The following KCNIP1 variants were observed in gnomAD, a reference collection of about 807,000 sequenced individuals.
KCNIP1 encodes the protein potassium voltage-gated channel interacting protein 1.
In KCNIP1, 18 loss-of-function variants were observed where a neutral mutation model predicts 33.0. The ratio of observed to expected loss-of-function variants is 0.55; its 90% CI spans 0.38 to 0.81. KCNIP1 has a LOEUF of 0.81. KCNIP1 is among the 30% of genes least tolerant of loss of function. KCNIP1 has a pLI of 0.00. For synonymous variants in KCNIP1, 93 were observed against 98.3 expected, an observed-to-expected ratio of 0.95 and a Z score of 0.32; for missense variants, 238 against 271.6, an observed-to-expected ratio of 0.88 and a Z score of 0.87.
intron 1 of KCNIP1, among the ~76,000 whole-genome samples, chr5:170,658,312 A>C (rs1024156769): frequency 6.6e-6 from 1 of 152,332 alleles, no homozygotes; most frequent in East Asian, 1.9e-4. Context: ...TACTCCCTGC[A>C]TAGTCCCAAA....
chr5:170,697,795 C>A (rs552425862), intron 1 of KCNIP1, among the ~76,000 whole-genome samples: 1 of 152,254 alleles, frequency 6.6e-6, no homozygotes, highest in Middle Eastern at 3.4e-3. Flanking sequence ...CCCTCATCTC[C>A]TGAGAATCTG....
chr5:170,463,335 A>G (rs1297448928), intron 1 of KCNIP1, among the ~76,000 whole-genome samples: 1 of 152,162 alleles, frequency 6.6e-6, no homozygotes, highest in Non-Finnish European at 1.5e-5. Flanking sequence ...TTGTGAGGCC[A>G]GTATTATCCC....
chr5:170,354,329 G>T (rs1763289404), intron 1 of KCNIP1, among the ~76,000 whole-genome samples: 1 of 152,214 alleles, frequency 6.6e-6, no homozygotes, highest in African/African-American at 2.4e-5. Context: ...ATAAAAGAGA[G>T]ATTTGATGCA....
chr5:170,556,111 C>G (rs1397880398), intron 1 of KCNIP1, among the ~76,000 whole-genome samples: 1 of 152,216 alleles, frequency 6.6e-6, no homozygotes, highest in Non-Finnish European at 1.5e-5. Context: ...ACAGGAACCA[C>G]GTCCGTACAT....
chr5:170,581,474 G>C (rs541084007), intron 1 of KCNIP1, among the ~76,000 whole-genome samples: 1 of 152,300 alleles, frequency 6.6e-6, no homozygotes, highest in African/African-American at 2.4e-5. Context: ...CTGAAGTGCT[G>C]TTGTCCAGAA....
chr5:170,548,000 C>T (rs1048284426), intron 1 of KCNIP1, among the ~76,000 whole-genome samples: 4 of 152,164 alleles, frequency 2.6e-5, no homozygotes, highest in Admixed American at 1.3e-4. Flanking sequence ...AGTATAACAT[C>T]GCTCCTTTTT....
chr5:170,708,361 T>G (rs952305394), intron 1 of KCNIP1, among the ~76,000 whole-genome samples: 1 of 152,212 alleles, frequency 6.6e-6, no homozygotes, highest in African/African-American at 2.4e-5. Flanking sequence ...TCAGGCAACA[T>G]TGAAAATGAA....
chr5:170,380,136 T>C (rs563343714), intron 1 of KCNIP1, among the ~76,000 whole-genome samples: 4 of 152,220 alleles, frequency 2.6e-5, no homozygotes, highest in African/African-American at 7.2e-5. Flanking sequence ...AATTCTGACG[T>C]TGATTATTGT....
rs1251870404 is a variant in KCNIP1, at chr5:170,598,902, C to CGT, written c.61+94270_61+94271insTG. Among the ~76,000 whole-genome samples, 64 of 50,450 alleles carry CGT rather than the reference C, an allele frequency of 1.3e-3. 1 individual carries two copies. The highest frequency in any genetic ancestry group is 3.7e-3 in the African/African-American group (46 of 12,514). The allele number at this position is 50,450 out of a possible 152,430, so 33.1% of individuals were successfully genotyped here. On this transcript the variant is annotated intron_variant, in intron 1 of 7. Coordinates refer to ENST00000328939, the MANE Select transcript of KCNIP1 (RefSeq NM_014592.4). Reference sequence around the variant, plus strand: ...CCCATAGCCCCGCTGTGTGTGTGTGCGCGTGTGTGTGTGTGTGTGTGTGTG... The same window carrying CGT: ...CCCATAGCCCCGCTGTGTGTGTGTGCGTGCGTGTGTGTGTGTGTGTGTGTGTG...
chr5:170,377,272 AC>A (rs1156975113), intron 1 of KCNIP1: 2 of 151,768 alleles, frequency 1.3e-5, no homozygotes, highest in African/African-American at 2.4e-5. Context: ...TGCTACCCCC[AC>A]CCCGTGCAGG....
intron 1 of KCNIP1, among the ~76,000 whole-genome samples, chr5:170,604,960 C>T (rs1394144919): frequency 1.3e-5 from 2 of 152,230 alleles, no homozygotes; most frequent in African/African-American, 4.8e-5. Context: ...GGTTCTGAGC[C>T]AGGGGGTCTC....
chr5:170,557,257 G>A (rs970135007), intron 1 of KCNIP1, among the ~76,000 whole-genome samples: 10 of 152,340 alleles, frequency 6.6e-5, no homozygotes, highest in African/African-American at 2.4e-4. Context: ...CTTGGCACAT[G>A]GTGAGTGCTC....
chr5:170,435,121 A>AC lies in KCNIP1; in HGVS notation c.88+81160dup, dbSNP rs550167608. ...CTCCTGGTAGCCTGGCCTGAGGCCC[A>AC]CCCAACCCAGGGAGCCGGCCCTGGC... On this transcript the variant is annotated intron_variant, in intron 1 of 7. Coordinates refer to the KCNIP1 transcript ENST00000377360. Among the ~76,000 whole-genome samples the AC allele has an allele frequency of 5.8e-4, 89 of 152,266 alleles. 1 individual carries two copies. The East Asian group carries it at 0.011, about 20-fold the overall frequency.
intron 1 of KCNIP1, among the ~76,000 whole-genome samples, chr5:170,665,523 G>A (rs1561751309): frequency 6.6e-6 from 1 of 152,178 alleles, no homozygotes; most frequent in Non-Finnish European, 1.5e-5. Context: ...AAACTTCAAA[G>A]ATAGTAAGAG....
intron 1 of KCNIP1, among the ~76,000 whole-genome samples, chr5:170,445,179 A>G (rs7712677): frequency 0.67 from 102,250 of 152,028 alleles, 35,185 homozygotes; most frequent in African/African-American, 0.83. Flanking sequence ...TGTGGGGCCC[A>G]GGGTTTTATA....
At chr5:170,439,784 A>G (rs1755947068) in intron 1 of KCNIP1, among the ~76,000 whole-genome samples, 1 of 152,208 alleles carries the variant, frequency 6.6e-6, no homozygotes, top group Non-Finnish European at 1.5e-5. Context: ...CAGTCATGGG[A>G]CACCAGGTGG....
intron 1 of KCNIP1, among the ~76,000 whole-genome samples, chr5:170,660,316 A>G (rs1389243581): frequency 6.6e-6 from 1 of 152,012 alleles, no homozygotes; most frequent in East Asian, 1.9e-4. Flanking sequence ...TAAAAACCAT[A>G]CCAAAGAAAA....
At position 170,533,411 on chromosome 5, in the gene KCNIP1, C is replaced by A. The variant is rs181517138; in HGVS notation, c.61+28778C>A. Among the ~76,000 whole-genome samples the A allele has an allele frequency of 2.2e-4, 33 of 152,314 alleles. 1 individual carries two copies. The highest frequency in any genetic ancestry group is 7.9e-4 in the African/African-American group (33 of 41,560). On this transcript the variant is annotated intron_variant, in intron 1 of 7. Coordinates refer to ENST00000328939, the MANE Select transcript of KCNIP1 (RefSeq NM_014592.4). ...CTGCGGGTACTGTTTTTATCCTGAT[C>A]CTTCAGCTCTGGAAACTAATATAGA...
rs78197695 is a variant in KCNIP1, at chr5:170,557,541, A to G, written c.61+52908A>G. On this transcript the variant is annotated intron_variant, in intron 1 of 7. Coordinates refer to ENST00000328939, the MANE Select transcript of KCNIP1 (RefSeq NM_014592.4). ...GCTTGGGGTCAACCACCCAGAAATGAATCGTGTGGGTCCCATCCTCTCCAA... is the reference window on the plus strand; with the variant it reads ...GCTTGGGGTCAACCACCCAGAAATGGATCGTGTGGGTCCCATCCTCTCCAA... Among the ~76,000 whole-genome samples the G allele has an allele frequency of 5.4e-3, 829 of 152,224 alleles. 4 individuals are homozygous for G. Among genetic ancestry groups the G allele is most frequent in the African/African-American group, 0.018 (751 of 41,530 alleles).
Sources: gnomAD v4.1 joint callset for allele counts (sites outside exome capture counted in the v4.1 genomes callset) on GRCh38, gnomAD v4.1.1 for gene constraint, MANE v1.5 for transcripts, NCBI Gene and HGNC (gene_info 2026-07-23, HGNC 2026-07-21) for gene names.